The following EBF2 variants were observed in gnomAD, a reference collection of about 807,000 sequenced individuals.
The protein encoded by EBF2 is transcription factor COE2.
Under a neutral mutation model 72.8 loss-of-function variants are expected in EBF2, and 21 were observed. The ratio of observed to expected loss-of-function variants is 0.29; its 90% CI spans 0.20 to 0.42. The LOEUF is 0.42. Among genes scored for constraint, EBF2 ranks in the 10% least tolerant of loss-of-function variants. EBF2 has a pLI of 1.00. For missense variants in EBF2, 637 were observed against 731.2 expected, an observed-to-expected ratio of 0.87 and a Z score of 1.49; for synonymous variants, 299 against 274.2, an observed-to-expected ratio of 1.09 and a Z score of -0.89.
chr8:25,865,453 G>A (rs1417372049), intron 10 of EBF2, among the ~76,000 whole-genome samples: 11 of 152,112 alleles, frequency 7.2e-5, no homozygotes, highest in Non-Finnish European at 1.6e-4. Context: ...CAGCTTTAGA[G>A]TTGAGTAGAT....
At chr8:25,937,105 T>G (rs1803592488) in intron 6 of EBF2, among the ~76,000 whole-genome samples, 1 of 152,162 alleles carries the variant, frequency 6.6e-6, no homozygotes, top group Non-Finnish European at 1.5e-5. Flanking sequence ...GATCGATTGA[T>G]TAATGAGATG....
chr8:25,922,954 G>GAAAAA (rs34525953), intron 6 of EBF2, among the ~76,000 whole-genome samples: 1 of 141,868 alleles, frequency 7.0e-6, no homozygotes, highest in Non-Finnish European at 1.5e-5. Context: ...ACTACTAAAG[G>GAAAAA]AAAAAAAAAA....
intron 6 of EBF2, among the ~76,000 whole-genome samples, chr8:25,926,293 C>G (rs776787574): frequency 1.9e-4 from 29 of 152,282 alleles, no homozygotes; most frequent in Non-Finnish European, 2.9e-4. Context: ...CTGGCTCCCC[C>G]ACTTTCACTG....
intron 6 of EBF2, among the ~76,000 whole-genome samples, chr8:26,004,580 C>T (rs989827814): frequency 6.8e-6 from 1 of 146,652 alleles, no homozygotes; most frequent in Admixed American, 7.1e-5. Context: ...GAGGCTGAGG[C>T]ACACGAATTG....
chr8:25,849,570 G>C (rs1015730718), intron 15 of EBF2, among the ~76,000 whole-genome samples: 1 of 152,116 alleles, frequency 6.6e-6, no homozygotes, highest in Admixed American at 6.5e-5. Context: ...TTCTTGTCAA[G>C]AACATGAGAG....
chr8:25,998,449 G>A (rs1401731502), intron 6 of EBF2, among the ~76,000 whole-genome samples: 2 of 152,200 alleles, frequency 1.3e-5, no homozygotes, highest in Admixed American at 1.3e-4. Context: ...GACACCAGCC[G>A]TAGGAAGAAA....
chr8:25,852,160 C>G (rs983838155), intron 14 of EBF2, among the ~76,000 whole-genome samples: 1 of 152,256 alleles, frequency 6.6e-6, no homozygotes. Flanking sequence ...CTGGAAGAAT[C>G]TCATGTAATA....
chr8:25,965,784 A>G (rs1478815753), intron 6 of EBF2, among the ~76,000 whole-genome samples: 1 of 152,234 alleles, frequency 6.6e-6, no homozygotes, highest in East Asian at 1.9e-4. Context: ...CAGTCACCAC[A>G]GCTCTCCCAC....
chr8:25,940,621 T>A (rs796106742), intron 6 of EBF2, among the ~76,000 whole-genome samples: 1 of 147,380 alleles, frequency 6.8e-6, no homozygotes, highest in Non-Finnish European at 1.5e-5. Context: ...ATGAAAAAAT[T>A]AAAAAAAAAA....
chr8:25,842,098 G>C lies in EBF2; in HGVS notation c.*2511C>G, dbSNP rs961445208. 1 of 152,134 alleles carries C rather than the reference G, an allele frequency of 6.6e-6. No individual in the cohort carries two copies. The highest frequency in any genetic ancestry group is 2.1e-4 in the South Asian group (1 of 4,826). The allele number at this position is 152,134 out of a possible 1,614,324, so 9.4% of individuals were successfully genotyped here. On this transcript the variant is annotated 3_prime_UTR_variant, in exon 16 of 16. Transcript: ENST00000520164. ...CTTTAAATGAAAAAAATCTTACACA[G>C]CTCCTCTTACAAACACAGGATAGAG...
At chr8:25,870,291 C>T (rs2117272494) in intron 10 of EBF2, among the ~76,000 whole-genome samples, 1 of 151,912 alleles carries the variant, frequency 6.6e-6, no homozygotes, top group East Asian at 1.9e-4. Flanking sequence ...AGCCAAAGTG[C>T]AGATTTTCGT....
chr8:25,957,158 C>G (rs1406116077), intron 6 of EBF2, among the ~76,000 whole-genome samples: 1 of 152,198 alleles, frequency 6.6e-6, no homozygotes, highest in Non-Finnish European at 1.5e-5. Flanking sequence ...TGCCTTCCAG[C>G]CTCGAGACAC....
At chr8:25,945,971 A>G (rs1392502741) in intron 6 of EBF2, among the ~76,000 whole-genome samples, 1 of 152,182 alleles carries the variant, frequency 6.6e-6, no homozygotes, top group African/African-American at 2.4e-5. Flanking sequence ...AGGACTCTCC[A>G]GGGTGGCAGA....
At chr8:26,008,697 A>T (rs1804923831) in intron 6 of EBF2, among the ~76,000 whole-genome samples, 2 of 151,254 alleles carry the variant, frequency 1.3e-5, no homozygotes, top group Non-Finnish European at 2.9e-5. Flanking sequence ...GCGTTTTATC[A>T]TCTTTGCTTT....
At chr8:25,871,053 C>A (rs1363158067) in intron 10 of EBF2, among the ~76,000 whole-genome samples, 1 of 152,164 alleles carries the variant, frequency 6.6e-6, no homozygotes, top group East Asian at 1.9e-4. Context: ...GGGACCTCAG[C>A]CTTTAACACA....
Position 25,851,655 on chromosome 8 carries a change from T to C in EBF2, c.1529-894A>G, listed in dbSNP as rs73677222. The stretch of plus-strand genomic sequence containing the variant: ...CACCTTATAGTATAGTTTTAGGCAC[T>C]TGTGTTAGCATAATTCCCAGAATTC... On this transcript the variant is annotated intron_variant, in intron 14 of 15. Transcript: ENST00000520164. Among the ~76,000 whole-genome samples, 437 of 152,324 alleles carry C rather than the reference T, an allele frequency of 2.9e-3. 3 individuals carry two copies. Among genetic ancestry groups the C allele is most frequent in the African/African-American group, 9.9e-3 (412 of 41,560 alleles).
At chr8:25,945,216 C>T (rs2117162139) in intron 6 of EBF2, among the ~76,000 whole-genome samples, 1 of 149,176 alleles carries the variant, frequency 6.7e-6, no homozygotes, top group Admixed American at 7.0e-5. Flanking sequence ...TTTCAGTATT[C>T]TTCTGCTATA....
intron 6 of EBF2, among the ~76,000 whole-genome samples, chr8:26,029,773 T>C (rs540507515): frequency 6.6e-6 from 1 of 152,294 alleles, no homozygotes; most frequent in South Asian, 2.1e-4. Context: ...TAGACTACAT[T>C]GCACCCATTT....
At chr8:25,886,726 G>A (rs1413359978) in intron 10 of EBF2, 29 bp downstream of exon 10, 1 of 1,592,548 alleles carries the variant, frequency 6.3e-7, no homozygotes, top group East Asian at 2.2e-5. Context: ...CCAGAAGCCA[G>A]CCTCTCTTGG....
Sources: gnomAD v4.1 joint callset for allele counts (sites outside exome capture counted in the v4.1 genomes callset) on GRCh38, gnomAD v4.1.1 for gene constraint, MANE v1.5 for transcripts, NCBI Gene and HGNC (gene_info 2026-07-23, HGNC 2026-07-21) for gene names.